PLK5: variants seen among roughly 807,000 people sequenced by gnomAD.
The protein encoded by PLK5 is inactive serine/threonine-protein kinase PLK5.
A neutral mutation model predicts 33.7 loss-of-function variants in PLK5; 28 were observed. The ratio of observed to expected loss-of-function variants is 0.83; its 90% CI spans 0.62 to 1.14. PLK5 has a LOEUF of 1.14. PLK5 is among the 50% of genes most tolerant of loss of function. The pLI, the probability that PLK5 is intolerant of heterozygous loss-of-function variation, is 0.00. For synonymous variants in PLK5, 225 were observed against 202.2 expected (o/e 1.11, Z -0.96); for missense variants, 492 against 461.5 (o/e 1.07, Z -0.61).
chr19:1,528,338 C>T lies in PLK5; in HGVS notation c.238C>T (p.His80Tyr). ...AGACCGGCTGCCGGCCCACTCCTGC[C>T]ACAGTCCCCCCATCTTCGCCATACC... ...TPDRLPAHSC[H>Y]SPPIFAIPPP... The change falls in exon 8 of 14, where the codon CAC (histidine) becomes TAC (tyrosine). Residue 80 changes from histidine (H) to tyrosine (Y), a missense_variant. By Grantham distance (83) the His-to-Tyr change is moderately conservative (BLOSUM62 2). Coordinates refer to ENST00000454744, the MANE Select transcript of PLK5 (RefSeq NM_001243079.2). 1 of 1,535,818 alleles carries T rather than the reference C, an allele frequency of 6.5e-7. No individual in the cohort carries two copies. Among genetic ancestry groups the T allele is most frequent in the Middle Eastern group, 1.7e-4 (1 of 5,988 alleles).
chr19:1,533,896 CT>C, intron 12 of PLK5, 34 bp from the exon 13 acceptor site: 1 of 1,483,576 alleles, frequency 6.7e-7, no homozygotes, highest in Non-Finnish European at 9.1e-7. Context: ...GGGACGCCCC[CT>C]GCGTCACGTG....
chr19:1,535,701 G>A lies in PLK5; in HGVS notation c.*451G>A, dbSNP rs1222050829. On this transcript the variant is annotated 3_prime_UTR_variant, in exon 14 of 14. Coordinates refer to ENST00000454744, the MANE Select transcript of PLK5 (RefSeq NM_001243079.2). ...AGTTTGAGACCAGCCTGGGCAACAT[G>A]GCAAGACCCCATCTCTACAAAAAAT... 2.8e-5 allele frequency: 5 copies of A among 180,516 alleles called. No individual in the cohort carries two copies. Among genetic ancestry groups the A allele is most frequent in the Non-Finnish European group, 5.7e-5 (5 of 87,268 alleles). The allele number at this position is 180,516 out of a possible 1,614,324, so 11.2% of individuals were successfully genotyped here. A position where few individuals can be genotyped will look rare whatever the true frequency, so the allele number is the denominator to read the frequency against.
rs1297649825 is a variant in PLK5 at position 1,529,423 on chromosome 19, A to G, written c.423A>G (p.Lys141=). ...CACCTCAGAGCTCCCTGTCTGCGAA[A>G]GAGGTTCCCTGCCTGGAAGGCCCCA... ...EWDGESSLSA[K]EVPCLEGPIH... Residue 141 remains lysine (K), a synonymous_variant, in exon 10 of 14, where the codon AAA becomes AAG. Coordinates refer to ENST00000454744, the MANE Select transcript of PLK5 (RefSeq NM_001243079.2). The G allele has an allele frequency of 6.5e-7, 1 of 1,535,958 alleles. No individual in the cohort carries two copies. The highest frequency in any genetic ancestry group is 1.2e-5 in the South Asian group (1 of 84,064).
chr19:1,535,769 G>A lies in PLK5; in HGVS notation c.*519G>A, dbSNP rs11084900. ...ACGTGCCTGTAGTCCCAGCTACTTG[G>A]GAGGCTGAGATGGGAGGATGGCGTG... On this transcript the variant is annotated 3_prime_UTR_variant, in exon 14 of 14. Coordinates refer to ENST00000454744, the MANE Select transcript of PLK5 (RefSeq NM_001243079.2). 39,410 of 160,454 alleles carry A rather than the reference G, an allele frequency of 0.25. 5,762 individuals carry two copies. Among genetic ancestry groups the A allele is most frequent in the East Asian group, 0.64 (3,327 of 5,202 alleles). The allele number at this position is 160,454 out of a possible 1,614,324, so 9.9% of individuals were successfully genotyped here. A position where few individuals can be genotyped will look rare whatever the true frequency, so the allele number is the denominator to read the frequency against.
intron 13 of PLK5, 28 bp downstream of exon 13, chr19:1,534,069 C>T (rs1914014979): frequency 6.6e-7 from 1 of 1,516,278 alleles, no homozygotes; most frequent in African/African-American, 1.4e-5. Context: ...ACTCGGGGCA[C>T]TGGGGCTCGG....
chr19:1,533,891 G>A (rs963437140), intron 12 of PLK5, 40 bp from the exon 13 acceptor site: 57 of 1,449,282 alleles, frequency 3.9e-5, no homozygotes, highest in African/African-American at 4.2e-5. Context: ...GGGTGGGGAC[G>A]CCCCCTGCGT....
chr19:1,530,303 CTTT>C (rs913300580), intron 11 of PLK5, among the ~76,000 whole-genome samples: 1 of 151,310 alleles, frequency 6.6e-6, no homozygotes, highest in African/African-American at 2.4e-5. Context: ...CCTTTTCTTT[CTTT>C]TTTTTTAAGA....
At position 1,524,145 on chromosome 19, in the gene PLK5, C is replaced by A. The variant is rs1913664441; in HGVS notation, c.-645C>A. ...CTGCGCCAGAGTCCGCGCGATGGAG[C>A]CCCGGCCGCGGCGGCGGCGCAGGAG... On this transcript the variant is annotated 5_prime_UTR_variant, in exon 1 of 14. Coordinates refer to ENST00000454744, the MANE Select transcript of PLK5 (RefSeq NM_001243079.2). The surrounding 1 kb of genome is among the most constrained non-coding windows in gnomAD (Gnocchi z 4.5). 1 of 150,858 alleles carries A rather than the reference C, an allele frequency of 6.6e-6. No homozygotes were observed. The highest frequency in any genetic ancestry group is 2.1e-4 in the South Asian group (1 of 4,828). The allele number at this position is 150,858 out of a possible 1,614,324, so 9.3% of individuals were successfully genotyped here.
Position 1,526,631 on chromosome 19 carries a change from G to A in PLK5, c.-183+16G>A, listed in dbSNP as rs1247417245. 12 of 370,126 alleles carry A rather than the reference G, an allele frequency of 3.2e-5. No individual in the cohort carries two copies. Among genetic ancestry groups the A allele is most frequent in the East Asian group, 2.1e-4 (3 of 14,604 alleles). The allele number at this position is 370,126 out of a possible 1,614,324, so 22.9% of individuals were successfully genotyped here. A position where few individuals can be genotyped will look rare whatever the true frequency, so the allele number is the denominator to read the frequency against. ...CTGAAGCTCAGTGAGTGCCAGGAAG[G>A]GGAACTGTGGGCGGGGGCGTCGGGA... On this transcript the variant is annotated intron_variant, in intron 4 of 13. Coordinates refer to ENST00000454744, the MANE Select transcript of PLK5 (RefSeq NM_001243079.2).
intron 12 of PLK5, 106 bp downstream of exon 12, chr19:1,531,989 C>T (rs1913946019): frequency 1.6e-6 from 2 of 1,262,944 alleles, no homozygotes; most frequent in African/African-American, 3.1e-5. Context: ...CCTACAGGTG[C>T]TCCCTGCCTG....
In PLK5 at chr19:1,533,210, C is replaced by T. The variant is rs575572082; in HGVS notation, c.715-721C>T. ...TCGGCTCAGCGCAACCTCCCCATCCCGGGATCGGGGTAGCTGGGATTACAG... is the reference window on the plus strand; with the variant it reads ...TCGGCTCAGCGCAACCTCCCCATCCTGGGATCGGGGTAGCTGGGATTACAG... On this transcript the variant is annotated intron_variant, in intron 12 of 13. Coordinates refer to ENST00000454744, the MANE Select transcript of PLK5 (RefSeq NM_001243079.2). Among the ~76,000 whole-genome samples the T allele has an allele frequency of 3.3e-5, 5 of 151,778 alleles. No individual in the cohort carries two copies. In the East Asian group the frequency reaches 7.9e-4, roughly 24 times the overall value.
In PLK5 at chr19:1,535,651, G is replaced by A. The variant is rs1467211892; in HGVS notation, c.*401G>A. On this transcript the variant is annotated 3_prime_UTR_variant, in exon 14 of 14. Transcript: ENST00000454744. ...GAATCCCAGCACTTTGGGAGGCCAA[G>A]GCAGGAGGATCGCTTGGGCCCAGGA... 5.0e-6 allele frequency: 1 copy of A among 198,580 alleles called. No homozygotes were observed. The highest frequency in any genetic ancestry group is 1.8e-4 in the East Asian group (1 of 5,686). 12.3% of individuals were successfully genotyped at this position (198,580 alleles called of 1,614,324 possible).
intron 7 of PLK5, 46 bp from the exon 8 acceptor site, chr19:1,528,256 G>T (rs1368451752): frequency 2.6e-6 from 4 of 1,535,832 alleles, no homozygotes; most frequent in Middle Eastern, 3.3e-4. Context: ...GGTGCTCAGG[G>T]GCTGGGTGAC....
At chr19:1,530,293 CCTTTT>C (rs1327210451) in intron 11 of PLK5, among the ~76,000 whole-genome samples, 1 of 152,008 alleles carries the variant, frequency 6.6e-6, no homozygotes. Flanking sequence ...CTTTTCTTTT[CCTTTT>C]CTTTCTTTTT....
Position 1,533,441 on chromosome 19 carries a change from C to T in PLK5, c.715-490C>T, listed in dbSNP as rs373779011. ...GACATGGGGGCCAGTGGGGAGGTGG[C>T]TGGACTCATCAGGTGGGCAGTGGCG... On this transcript the variant is annotated intron_variant, in intron 12 of 13. Coordinates refer to ENST00000454744, the MANE Select transcript of PLK5 (RefSeq NM_001243079.2). Among the ~76,000 whole-genome samples the T allele has an allele frequency of 1.8e-3, 275 of 152,216 alleles. 1 individual carries two copies. Among genetic ancestry groups the T allele is most frequent in the African/African-American group, 6.3e-3 (263 of 41,542 alleles).
intron 11 of PLK5, 98 bp from the exon 12 acceptor site, chr19:1,531,627 CCCCGCCGTGGGAA>C: frequency 7.5e-7 from 1 of 1,328,218 alleles, no homozygotes; most frequent in African/African-American, 1.5e-5. Flanking sequence ...TCTGTCCGGT[CCCCGCCGTGGGAA>C]GGGTCTCACC....
intron 13 of PLK5, among the ~76,000 whole-genome samples, chr19:1,534,564 G>A (rs899781235): frequency 2.0e-5 from 3 of 150,394 alleles, no homozygotes; most frequent in Admixed American, 1.3e-4. Context: ...CCAGCACTTT[G>A]GGAGGCCGAG....
chr19:1,535,423 T>G lies in PLK5; in HGVS notation c.*173T>G. 2 of 641,924 alleles carry G rather than the reference T, an allele frequency of 3.1e-6. No homozygotes were observed. Among genetic ancestry groups the G allele is most frequent in the Non-Finnish European group, 4.9e-6 (2 of 404,184 alleles). The allele number at this position is 641,924 out of a possible 1,614,324, so 39.8% of individuals were successfully genotyped here. The stretch of plus-strand genomic sequence containing the variant: ...TCAACCCAGACTTTGCTGGGATCTC[T>G]TCCTTTTTCATTAAAGACAATTTGA... On this transcript the variant is annotated 3_prime_UTR_variant, in exon 14 of 14. Coordinates refer to ENST00000454744, the MANE Select transcript of PLK5 (RefSeq NM_001243079.2).
intron 7 of PLK5, 41 bp from the exon 8 acceptor site, chr19:1,528,261 G>T: frequency 6.5e-7 from 1 of 1,535,844 alleles, no homozygotes; most frequent in South Asian, 1.2e-5. Context: ...TCAGGGGCTG[G>T]GTGACCTAAG....
Sources: gnomAD v4.1 joint callset for allele counts (sites outside exome capture counted in the v4.1 genomes callset) on GRCh38, gnomAD v4.1.1 for gene constraint, Gnocchi (gnomAD v3.1) non-coding constraint, MANE v1.5 for transcripts, NCBI Gene and HGNC (gene_info 2026-07-23, HGNC 2026-07-21) for gene names.